The following BBS2 variants were observed in gnomAD, a reference collection of about 807,000 sequenced individuals.
BBS2 encodes the protein Bardet-Biedl syndrome 2.
BBS2 carries 62 observed loss-of-function variants against 83.0 expected under a neutral mutation model. The ratio of observed to expected loss-of-function variants is 0.75; its 90% CI spans 0.61 to 0.92. The LOEUF is 0.92. Among genes scored for constraint, BBS2 ranks in the 40% least tolerant of loss-of-function variants. The pLI, the probability that BBS2 is intolerant of heterozygous loss-of-function variation, is 0.00. For missense variants in BBS2, 784 were observed against 901.0 expected (o/e 0.87, Z 1.66); for synonymous variants, 303 against 326.1 (o/e 0.93, Z 0.76).
chr16:56,498,545 G>T lies in BBS2; in HGVS notation c.1551C>A (p.Asn517Lys), dbSNP rs1306411366. The T allele has an allele frequency of 6.2e-7, 1 of 1,613,970 alleles. No homozygotes were observed. The highest frequency in any genetic ancestry group is 8.5e-7 in the Non-Finnish European group (1 of 1,179,984). ...AQRVVVWLGQNFLLPEDTHIQ... is the reference protein window; with the variant it reads ...AQRVVVWLGQKFLLPEDTHIQ... Reference sequence around the variant, plus strand: ...TGTGAGTGTCTTCTGGTAACAGAAAGTTCTGACCGAGCCATACAACAACCT... The same window carrying T: ...TGTGAGTGTCTTCTGGTAACAGAAATTTCTGACCGAGCCATACAACAACCT... Residue 517 changes from asparagine to lysine, a missense_variant, in exon 13 of 17, where the codon AAC becomes AAA. Physicochemically the swap from Asn to Lys is moderately conservative, Grantham distance 94. Coordinates refer to ENST00000245157, the MANE Select transcript of BBS2 (RefSeq NM_031885.5).
chr16:56,480,378 C>CAAAAA (rs1963641369), downstream of BBS2, among the ~76,000 whole-genome samples: 1 of 99,584 alleles, frequency 1.0e-5, no homozygotes, highest in South Asian at 3.7e-4. Context: ...AAAAAAAAAA[C>CAAAAA]AAAGCTTGGG....
rs772380071 is a variant in BBS2, at chr16:56,499,866, C to T, written c.1439G>A (p.Arg480Gln). 5 of 1,613,984 alleles carry T rather than the reference C, an allele frequency of 3.1e-6. No homozygotes were observed. Among genetic ancestry groups the T allele is most frequent in the African/African-American group, 1.3e-5 (1 of 74,904 alleles). ...GCTGGTCAGCGCATACATGGAGAAT[C>T]GAGGGAGCTGTCTTGTCGATTCAAA... is the stretch of plus-strand genomic sequence containing the variant. ...HVFESTRQLP[R>Q]FSMYALTSLD... The change falls in exon 12 of 17, where the codon CGA (arginine) becomes CAA (glutamine). Residue 480 changes from arginine to glutamine, a missense_variant. By Grantham distance (43) the Arg-to-Gln change is conservative (BLOSUM62 1). Transcript: ENST00000245157.
At chr16:56,471,362 A>C (rs1432115133) in intron 17 of BBS2, among the ~76,000 whole-genome samples, 1 of 151,416 alleles carries the variant, frequency 6.6e-6, no homozygotes, top group African/African-American at 2.4e-5. Flanking sequence ...ACTACATCTC[A>C]AAGAAAAAAA....
exon 18 of BBS2, chr16:56,470,447 C>G: frequency 6.5e-7 from 1 of 1,537,818 alleles, no homozygotes; most frequent in South Asian, 1.2e-5. Flanking sequence ...CATTTTACAT[C>G]TGTGGCTTTG....
chr16:56,480,274 C>T (rs913401967), downstream of BBS2, among the ~76,000 whole-genome samples: 2 of 145,086 alleles, frequency 1.4e-5, no homozygotes, highest in Non-Finnish European at 3.0e-5. Context: ...GGCTTGTCTA[C>T]TGTTTAAAGA....
intron 4 of BBS2, 93 bp downstream of exon 4, chr16:56,510,763 CAGG>C (rs1194436590): frequency 1.4e-5 from 19 of 1,338,054 alleles, no homozygotes; most frequent in Non-Finnish European, 2.0e-5. Flanking sequence ...CAAAATCAGC[CAGG>C]AGAAGCTTAC....
intron 2 of BBS2, among the ~76,000 whole-genome samples, chr16:56,514,120 T>C (rs1964660717): frequency 6.6e-6 from 1 of 152,240 alleles, no homozygotes; most frequent in Non-Finnish European, 1.5e-5. Flanking sequence ...TACAAACTAT[T>C]GCACTAAACT....
chr16:56,489,370 T>C (rs987487934), intron 15 of BBS2, among the ~76,000 whole-genome samples: 2 of 152,038 alleles, frequency 1.3e-5, no homozygotes, highest in Non-Finnish European at 2.9e-5. Flanking sequence ...AAGAATGATA[T>C]TGTCAAATGA....
chr16:56,474,122 A>G (rs1013498669), intron 17 of BBS2, among the ~76,000 whole-genome samples: 2 of 152,010 alleles, frequency 1.3e-5, no homozygotes, highest in South Asian at 4.1e-4. Context: ...TTTGTTCAGC[A>G]TGGTTTAAAT....
At position 56,497,028 on chromosome 16, in the gene BBS2, G is replaced by A. The variant is rs2144130068; in HGVS notation, c.1849C>T (p.His617Tyr). 6.2e-7 allele frequency: 1 copy of A among 1,614,040 alleles called. No homozygotes were observed. The highest frequency in any genetic ancestry group is 8.5e-7 in the Non-Finnish European group (1 of 1,179,948). ...HQKLSADMADHSNLIRSLLVG... is the reference protein window; with the variant it reads ...HQKLSADMADYSNLIRSLLVG... Reference sequence around the variant, plus strand: ...AGCAAACTTCGGATCAAATTAGAATGATCAGCCATATCAGCACTGAGCTTC... The same window carrying A: ...AGCAAACTTCGGATCAAATTAGAATAATCAGCCATATCAGCACTGAGCTTC... Residue 617 changes from histidine to tyrosine, a missense_variant, in exon 15 of 17, where the codon CAT (histidine) becomes TAT (tyrosine). Coordinates refer to ENST00000245157, the MANE Select transcript of BBS2 (RefSeq NM_031885.5).
intron 13 of BBS2, 37 bp downstream of exon 13, chr16:56,498,400 A>G: frequency 6.2e-7 from 1 of 1,612,082 alleles, no homozygotes. Flanking sequence ...AAATAAATTC[A>G]AAAAAGAAAT....
chr16:56,503,388 G>C (rs575204031), intron 7 of BBS2, among the ~76,000 whole-genome samples: 4 of 152,306 alleles, frequency 2.6e-5, no homozygotes, highest in Middle Eastern at 3.4e-3. Context: ...ATATATAAAT[G>C]TATAAAGTAT....
chr16:56,517,414 A>G (rs1964782135), intron 1 of BBS2, among the ~76,000 whole-genome samples: 1 of 152,132 alleles, frequency 6.6e-6, no homozygotes, highest in Non-Finnish European at 1.5e-5. Flanking sequence ...AGGCCCTTGC[A>G]CCTGCAGATC....
intron 4 of BBS2, 117 bp downstream of exon 4, chr16:56,510,742 C>A: frequency 9.5e-7 from 1 of 1,055,578 alleles, no homozygotes; most frequent in Non-Finnish European, 1.5e-6. Context: ...AGCATTTAGG[C>A]AACAGAGCAC....
chr16:56,498,324 G>C, intron 13 of BBS2, 113 bp downstream of exon 13: 2 of 1,382,102 alleles, frequency 1.4e-6, no homozygotes, highest in Non-Finnish European at 2.0e-6. Context: ...CCTCACTTTG[G>C]ACTGAATGGT....
At position 56,496,057 on chromosome 16, in the gene BBS2, T is replaced by G. The variant is rs138730001; in HGVS notation, c.1910+910A>C. On this transcript the variant is annotated intron_variant, in intron 15 of 16. Transcript: ENST00000245157. ...ACAATTATTTTAAAAACCATTTACC[T>G]CTGAGCAAAACCATTATAATTATTT... Among the ~76,000 whole-genome samples the G allele has an allele frequency of 6.6e-5, 10 of 152,286 alleles. No individual in the cohort carries two copies. The East Asian group carries it at 1.9e-3, about 29-fold the overall frequency.
At chr16:56,480,032 ACTT>A (rs541977044), downstream of BBS2, among the ~76,000 whole-genome samples, 178 of 152,334 alleles carry the variant, frequency 1.2e-3, no homozygotes, top group African/African-American at 3.8e-3. Context: ...CTACTTCACT[ACTT>A]CTTCTTTATA....
At position 56,484,808 on chromosome 16, in the gene BBS2, T is replaced by C. The variant is rs140444810; in HGVS notation, c.2119A>G (p.Ile707Val). 6.2e-7 allele frequency: 1 copy of C among 1,614,114 alleles called. No individual in the cohort carries two copies. Among genetic ancestry groups the C allele is most frequent in the Non-Finnish European group, 8.5e-7 (1 of 1,179,958 alleles). ...CGCATGATTTTGAACAGTGTGTTGA[T>C]GTTATTGCTTCGAATTGCATCCCGA... The part of the protein sequence containing the change: ...ACRDAIRSNN[I>V]NTLFKIMRVG... Residue 707 changes from isoleucine (I) to valine (V), a missense_variant, in exon 17 of 17, where the codon ATC becomes GTC. Ile to Val is a conservative substitution (Grantham distance 29). Transcript: ENST00000245157.
chr16:56,481,668 G>A (rs1224274021), downstream of BBS2, among the ~76,000 whole-genome samples: 1 of 152,102 alleles, frequency 6.6e-6, no homozygotes, highest in Non-Finnish European at 1.5e-5. Flanking sequence ...GATTCTATCA[G>A]GATAGAAACA....
Sources: allele counts gnomAD v4.1 joint callset (sites outside exome capture counted in the v4.1 genomes callset), GRCh38; gene constraint gnomAD v4.1.1; transcripts MANE v1.5; gene names NCBI Gene and HGNC (gene_info 2026-07-23, HGNC 2026-07-21).